Variants in ADAMTSL1 observed in about 807,000 individuals in gnomAD.
ADAMTSL1 encodes ADAMTS like 1, also known as ADAMTS-like protein 1.
Under a neutral mutation model 201.8 loss-of-function variants are expected in ADAMTSL1, and 126 were observed. The ratio of observed to expected loss-of-function variants is 0.62; its 90% confidence interval spans 0.54 to 0.72. ADAMTSL1 has a LOEUF of 0.72. Ranked by LOEUF, ADAMTSL1 falls within the 30% of genes least tolerant of loss-of-function variation. The probability of loss-of-function intolerance (pLI) is 0.00; values close to 1 mark genes in which losing one functional copy is unlikely to be tolerated. For missense variants in ADAMTSL1, 2,679 were observed against 2,277.8 expected (o/e 1.18, Z -3.59); for synonymous variants, 1,121 against 903.4 (o/e 1.24, Z -4.32).
intron 1 of ADAMTSL1, among the ~76,000 whole-genome samples, chr9:18,104,012 G>A (rs991370810): frequency 1.3e-5 from 2 of 152,120 alleles, no homozygotes; most frequent in East Asian, 3.8e-4. Flanking sequence ...GATTCTCAAA[G>A]TTACTTTATC....
intron 4 of ADAMTSL1, among the ~76,000 whole-genome samples, chr9:18,577,236 G>A (rs1321527838): frequency 3.3e-5 from 5 of 152,154 alleles, no homozygotes; most frequent in Non-Finnish European, 7.3e-5. Flanking sequence ...CTGTAATCTG[G>A]GCATTTTGGT....
intron 2 of ADAMTSL1, among the ~76,000 whole-genome samples, chr9:18,236,023 A>G (rs1459671072): frequency 1.3e-5 from 2 of 152,158 alleles, no homozygotes; most frequent in Non-Finnish European, 2.9e-5. Flanking sequence ...ATCTACTTGG[A>G]TTCTAATGAA....
chr9:18,566,988 C>A (rs769769977), intron 3 of ADAMTSL1, among the ~76,000 whole-genome samples: 3 of 152,120 alleles, frequency 2.0e-5, no homozygotes, highest in Admixed American at 2.0e-4. Context: ...GTTCTCAAAG[C>A]GGGTTTGCCA....
intron 19 of ADAMTSL1, among the ~76,000 whole-genome samples, chr9:18,789,760 G>A (rs112712871): frequency 8.1e-4 from 124 of 152,212 alleles, no homozygotes; most frequent in African/African-American, 2.8e-3. Context: ...GGGAGGAGGA[G>A]GAGCCTGTCT....
At chr9:18,406,542 G>A (rs1818216948) in intron 2 of ADAMTSL1, among the ~76,000 whole-genome samples, 1 of 152,010 alleles carries the variant, frequency 6.6e-6, no homozygotes, top group African/African-American at 2.4e-5. Context: ...TGTTGGCCAG[G>A]GTGGGTTCAA....
intron 1 of ADAMTSL1, among the ~76,000 whole-genome samples, chr9:17,941,303 G>T (rs1045926531): frequency 2.6e-5 from 4 of 152,102 alleles, no homozygotes; most frequent in South Asian, 4.2e-4. Context: ...GATAAATTTG[G>T]ATTTTCAATT....
At chr9:18,391,824 C>CTTTTTTTTTTTTTTT (rs11407945) in intron 2 of ADAMTSL1, among the ~76,000 whole-genome samples, 4 of 116,738 alleles carry the variant, frequency 3.4e-5, no homozygotes, top group South Asian at 2.8e-4. Flanking sequence ...TCTTTTCTTT[C>CTTTTTTTTTTTTTTT]TTTTTTTTTT....
At chr9:18,153,934 T>A (rs1272800830) in intron 1 of ADAMTSL1, among the ~76,000 whole-genome samples, 1 of 152,004 alleles carries the variant, frequency 6.6e-6, no homozygotes, top group African/African-American at 2.4e-5. Context: ...TTTTCTACCC[T>A]AAAGGCAAAA....
chr9:18,160,944 T>A (rs1253285274), intron 1 of ADAMTSL1, among the ~76,000 whole-genome samples: 2 of 150,366 alleles, frequency 1.3e-5, no homozygotes, highest in Non-Finnish European at 3.0e-5. Context: ...TGCCTCAGCC[T>A]CTCAAAGTGC....
intron 3 of ADAMTSL1, among the ~76,000 whole-genome samples, chr9:18,549,560 T>C (rs976280302): frequency 6.6e-6 from 1 of 152,050 alleles, no homozygotes; most frequent in African/African-American, 2.4e-5. Flanking sequence ...TATGTATGTA[T>C]GTATGTATGC....
At chr9:18,263,564 G>A (rs16936485) in intron 2 of ADAMTSL1, among the ~76,000 whole-genome samples, 5,806 of 152,208 alleles carry the variant, frequency 0.038, 387 homozygotes, top group African/African-American at 0.13. Context: ...CAGCCTGACC[G>A]CAAATTCCGA....
At chr9:18,466,402 A>G (rs1332016470) in intron 2 of ADAMTSL1, among the ~76,000 whole-genome samples, 1 of 152,130 alleles carries the variant, frequency 6.6e-6, no homozygotes, top group Non-Finnish European at 1.5e-5. Flanking sequence ...AAATTCCTTC[A>G]TGAAAGTCTT....
At chr9:18,598,730 T>C (rs1011788435) in intron 4 of ADAMTSL1, among the ~76,000 whole-genome samples, 3 of 152,110 alleles carry the variant, frequency 2.0e-5, no homozygotes, top group African/African-American at 7.2e-5. Flanking sequence ...CTGCACACCA[T>C]AGTGATCTCA....
intron 1 of ADAMTSL1, among the ~76,000 whole-genome samples, chr9:18,081,371 C>T (rs1460441090): frequency 6.6e-6 from 1 of 151,508 alleles, no homozygotes; most frequent in Non-Finnish European, 1.5e-5. Context: ...ACGAATAATT[C>T]TTTTTCATTG....
At chr9:18,555,599 T>C (rs569277885) in intron 3 of ADAMTSL1, among the ~76,000 whole-genome samples, 2 of 151,998 alleles carry the variant, frequency 1.3e-5, no homozygotes, top group African/African-American at 4.8e-5. Context: ...CAACAATGTA[T>C]TAAGTCCAAA....
intron 2 of ADAMTSL1, among the ~76,000 whole-genome samples, chr9:18,520,826 T>A (rs1483284481): frequency 6.6e-6 from 1 of 152,060 alleles, no homozygotes; most frequent in Admixed American, 6.5e-5. Context: ...AAAAAAAAAA[T>A]TAATCTCTCC....
intron 2 of ADAMTSL1, among the ~76,000 whole-genome samples, chr9:18,177,435 G>T (rs773870677): frequency 6.6e-6 from 1 of 152,168 alleles, no homozygotes; most frequent in Non-Finnish European, 1.5e-5. Context: ...TAAGTCCACC[G>T]TATGTGCCTG....
intron 3 of ADAMTSL1, among the ~76,000 whole-genome samples, chr9:18,538,603 G>A (rs1819940575): frequency 6.6e-6 from 1 of 152,098 alleles, no homozygotes; most frequent in Admixed American, 6.6e-5. Flanking sequence ...ATAAAGTAGA[G>A]TCAGAGCAAA....
chr9:18,588,465 T>G (rs1823663821), intron 4 of ADAMTSL1, among the ~76,000 whole-genome samples: 1 of 152,154 alleles, frequency 6.6e-6, no homozygotes, highest in East Asian at 1.9e-4. Context: ...TAGCTTAATG[T>G]AATCTATGTG....
Sources: gnomAD v4.1 joint callset for allele counts (sites outside exome capture counted in the v4.1 genomes callset) on GRCh38, gnomAD v4.1.1 for gene constraint, MANE v1.5 for transcripts, NCBI Gene and HGNC (gene_info 2026-07-23, HGNC 2026-07-21) for gene names.